RANBP2: variants seen among roughly 807,000 people sequenced by gnomAD.
RANBP2 encodes RAN binding protein 2.
RANBP2 carries 57 observed loss-of-function variants against 303.6 expected under a neutral mutation model. The ratio of observed to expected loss-of-function variants is 0.19; its 90% CI spans 0.15 to 0.23. The LOEUF (loss-of-function observed/expected upper bound fraction) is 0.23. Among genes scored for constraint, RANBP2 ranks in the 10% least tolerant of loss-of-function variants. RANBP2 has a pLI of 1.00. For synonymous variants in RANBP2, 1,167 were observed against 1,301.5 expected (o/e 0.90, Z 2.23); for missense variants, 3,138 against 3,780.8 (o/e 0.83, Z 4.46).
the RANBP2 span, among the ~76,000 whole-genome samples, chr2:109,317,324 G>A: frequency 1.3e-5 from 2 of 152,140 alleles, no homozygotes; most frequent in African/African-American, 2.4e-5. Flanking sequence ...TCCCTGAGGG[G>A]GCGTCTGTGG....
chr2:109,054,664 C>T, the RANBP2 span, among the ~76,000 whole-genome samples: 2 of 148,054 alleles, frequency 1.4e-5, no homozygotes, highest in Admixed American at 6.8e-5. Context: ...CGAACCACTG[C>T]ACTGCAGCCT....
At chr2:109,599,389 C>T in the RANBP2 span, among the ~76,000 whole-genome samples, 4 of 143,568 alleles carry the variant, frequency 2.8e-5, no homozygotes, top group East Asian at 2.1e-4. Flanking sequence ...ACTCAGGAGG[C>T]GGAGGTTGCA....
the RANBP2 span, among the ~76,000 whole-genome samples, chr2:109,541,110 G>A: frequency 6.6e-6 from 1 of 152,080 alleles, no homozygotes; most frequent in Non-Finnish European, 1.5e-5. Context: ...CTATTAGCCT[G>A]GAAGTTACAC....
chr2:109,236,729 C>T, the RANBP2 span, among the ~76,000 whole-genome samples: 1 of 152,290 alleles, frequency 6.6e-6, no homozygotes, highest in Non-Finnish European at 1.5e-5. Context: ...ATTCTTACAG[C>T]ATGGACTGTT....
chr2:109,023,381 T>C, the RANBP2 span, among the ~76,000 whole-genome samples: 4 of 152,270 alleles, frequency 2.6e-5, no homozygotes, highest in Non-Finnish European at 5.9e-5. Flanking sequence ...AACAGTAATA[T>C]ATGTTCATTG....
the RANBP2 span, among the ~76,000 whole-genome samples, chr2:109,763,301 A>G: frequency 1.3e-5 from 2 of 150,578 alleles, no homozygotes; most frequent in Non-Finnish European, 2.9e-5. Flanking sequence ...ATTATAAAGC[A>G]AGTACTGTTA....
At chr2:109,524,444 CAAAAAAAA>C in the RANBP2 span, among the ~76,000 whole-genome samples, 1 of 84,436 alleles carries the variant, frequency 1.2e-5, no homozygotes. Context: ...GACCCTGTCT[CAAAAAAAA>C]AAAAAAAAAA....
the RANBP2 span, among the ~76,000 whole-genome samples, chr2:109,642,278 C>T: frequency 6.6e-6 from 1 of 152,098 alleles, no homozygotes; most frequent in Admixed American, 6.6e-5. Context: ...CTTTTTCCTC[C>T]CAAGCTTTCA....
At chr2:108,837,657 A>G in the RANBP2 span, among the ~76,000 whole-genome samples, 2 of 152,320 alleles carry the variant, frequency 1.3e-5, no homozygotes, top group Non-Finnish European at 2.9e-5. Context: ...AGTTACATAA[A>G]AGAATAGCAC....
At position 108,735,678 on chromosome 2, in the gene RANBP2, T is replaced by C; in HGVS notation, c.552T>C (p.Ala184=). 2 of 1,597,626 alleles carry C rather than the reference T, an allele frequency of 1.3e-6. No individual in the cohort carries two copies. Among genetic ancestry groups the C allele is most frequent in the South Asian group, 2.2e-5 (2 of 90,992 alleles). Residue 184 remains alanine, a synonymous_variant, in exon 5 of 29, where the codon GCT becomes GCC. Transcript: ENST00000283195. ...GCTCAACTAAAAGATTGAAGGATGC[T>C]GTGGCCCACTGCCATGAGGCAGAGA... ...VYRSTKRLKD[A]VAHCHEAERN...
the RANBP2 span, among the ~76,000 whole-genome samples, chr2:108,809,243 G>A: frequency 2.0e-5 from 3 of 152,138 alleles, no homozygotes; most frequent in East Asian, 1.9e-4. Flanking sequence ...TTGAGTTTAG[G>A]TAGTGTAATG....
chr2:109,510,556 C>G, the RANBP2 span, among the ~76,000 whole-genome samples: 3,872 of 152,310 alleles, frequency 0.025, 94 homozygotes, highest in Non-Finnish European at 0.033. Context: ...GAAGGAACCC[C>G]GGTTCCATCC....
the RANBP2 span, among the ~76,000 whole-genome samples, chr2:109,095,069 C>G: frequency 6.6e-6 from 1 of 152,162 alleles, no homozygotes; most frequent in African/African-American, 2.4e-5. Flanking sequence ...GCTTTAAGGT[C>G]ATAAACTGCT....
At chr2:109,085,910 A>G in the RANBP2 span, among the ~76,000 whole-genome samples, 1 of 152,124 alleles carries the variant, frequency 6.6e-6, no homozygotes, top group African/African-American at 2.4e-5. Context: ...TGGCCCATCA[A>G]AACCATTTTT....
At chr2:109,046,585 G>C in the RANBP2 span, among the ~76,000 whole-genome samples, 179 of 151,518 alleles carry the variant, frequency 1.2e-3, 1 homozygote, top group Non-Finnish European at 1.2e-3. Flanking sequence ...TTTGTATTTT[G>C]GCCAGGCTAG....
chr2:109,376,874 C>T, the RANBP2 span, among the ~76,000 whole-genome samples: 1 of 152,218 alleles, frequency 6.6e-6, no homozygotes, highest in Non-Finnish European at 1.5e-5. Context: ...TTCCTTTGTT[C>T]CCCTAAGTTT....
At chr2:109,415,348 G>A in the RANBP2 span, among the ~76,000 whole-genome samples, 1 of 152,230 alleles carries the variant, frequency 6.6e-6, no homozygotes, top group African/African-American at 2.4e-5. Flanking sequence ...GGCTGCCTGA[G>A]TTCAAAATAC....
the RANBP2 span, among the ~76,000 whole-genome samples, chr2:109,537,949 A>C: frequency 6.6e-6 from 1 of 152,076 alleles, no homozygotes; most frequent in Non-Finnish European, 1.5e-5. Flanking sequence ...TCCTGTCTCA[A>C]AACACACACA....
chr2:108,826,803 G>A, the RANBP2 span, among the ~76,000 whole-genome samples: 1 of 152,104 alleles, frequency 6.6e-6, no homozygotes, highest in Admixed American at 6.6e-5. Context: ...TTTGATTAAG[G>A]ACTGCATTGA....
Sources: allele counts gnomAD v4.1 joint callset (sites outside exome capture counted in the v4.1 genomes callset), GRCh38; gene constraint gnomAD v4.1.1; transcripts MANE v1.5; gene names NCBI Gene and HGNC (gene_info 2026-07-23, HGNC 2026-07-21).